ZNF224: variants seen among roughly 807,000 people sequenced by gnomAD.
ZNF224 encodes zinc finger protein 224, also known as bone marrow zinc finger 2.
Under a neutral mutation model 10.5 loss-of-function variants are expected in ZNF224, and 8 were observed. The ratio of observed to expected loss-of-function variants is 0.76; its 90% CI spans 0.45 to 1.37. ZNF224 has a LOEUF of 1.37. ZNF224 is among the 40% of genes most tolerant of loss of function. The probability of loss-of-function intolerance (pLI) is 0.00; values close to 1 mark genes in which losing one functional copy is unlikely to be tolerated. For missense variants in ZNF224, 754 were observed against 854.0 expected, an observed-to-expected ratio of 0.88 and a Z score of 1.46; for synonymous variants, 282 against 287.8, an observed-to-expected ratio of 0.98 and a Z score of 0.20.
intron 5 of ZNF224, among the ~76,000 whole-genome samples, chr19:44,103,238 A>T (rs1403833817): frequency 6.6e-6 from 1 of 152,064 alleles, no homozygotes; most frequent in Non-Finnish European, 1.5e-5. Context: ...CTCCCCAAAA[A>T]CCTCTTAAGT....
At position 44,107,122 on chromosome 19, in the gene ZNF224, G is replaced by T; in HGVS notation, c.962G>T (p.Cys321Phe). ...TAEKPFRCDTCDKSFRQRSAL... is the reference protein window; with the variant it reads ...TAEKPFRCDTFDKSFRQRSAL... ...GAGAAACCATTCCGATGTGATACGTGTGATAAGAGCTTTCGTCAGAGATCA... is the reference window on the plus strand; with the variant it reads ...GAGAAACCATTCCGATGTGATACGTTTGATAAGAGCTTTCGTCAGAGATCA... The change falls in exon 6 of 6, where the codon TGT becomes TTT. Residue 321 changes from cysteine (C) to phenylalanine (F), a missense_variant. Transcript: ENST00000693561. 1.9e-6 allele frequency: 3 copies of T among 1,606,014 alleles called. No individual in the cohort carries two copies. The highest frequency in any genetic ancestry group is 2.6e-6 in the Non-Finnish European group (3 of 1,175,526).
chr19:44,097,995 AG>A (rs1243749058), intron 3 of ZNF224, 107 bp downstream of exon 3: 2 of 1,284,162 alleles, frequency 1.6e-6, no homozygotes, highest in African/African-American at 3.0e-5. Flanking sequence ...CAGACATTTG[AG>A]GATCTCTTGT....
At chr19:44,103,160 T>G (rs1203662498) in intron 5 of ZNF224, among the ~76,000 whole-genome samples, 1 of 152,212 alleles carries the variant, frequency 6.6e-6, no homozygotes, top group Non-Finnish European at 1.5e-5. Flanking sequence ...ATTTTCAACT[T>G]TATAACTTGG....
chr19:44,107,283 A>G lies in ZNF224; in HGVS notation c.1123A>G (p.Lys375Glu), dbSNP rs769063118. The G allele has an allele frequency of 4.2e-5, 67 of 1,583,810 alleles. No individual in the cohort carries two copies. Among genetic ancestry groups the G allele is most frequent in the Non-Finnish European group, 5.7e-5 (66 of 1,165,702 alleles). Reference sequence around the variant, plus strand: ...CACGGGAGAAAAGCCATATAATTGTAAAGAGTGTGGGAAGAGCTTCAGATG... The same window carrying G: ...CACGGGAGAAAAGCCATATAATTGTGAAGAGTGTGGGAAGAGCTTCAGATG... ...VHTGEKPYNC[K>E]ECGKSFRWAS... The change falls in exon 6 of 6, where the codon AAA (lysine) becomes GAA (glutamate). Residue 375 changes from lysine (K) to glutamate (E), a missense_variant. Lys to Glu is a moderately conservative substitution (Grantham distance 56). Transcript: ENST00000693561.
In ZNF224 at chr19:44,107,170, T is replaced by TCCA; in HGVS notation, c.1012_1014dup (p.His338dup). The stretch of plus-strand genomic sequence containing the variant: ...TCAGCACTTAATAGTCATCGCATGA[T>TCCA]CCACACAGGAGAGAAACCATACAAA... On this transcript the variant is annotated inframe_insertion, in exon 6 of 6. Transcript: ENST00000693561. 6.2e-7 allele frequency: 1 copy of TCCA among 1,607,460 alleles called. No individual in the cohort carries two copies. Among genetic ancestry groups the TCCA allele is most frequent in the Non-Finnish European group, 8.5e-7 (1 of 1,176,560 alleles).
Position 44,109,812 on chromosome 19 carries a change from T to C in ZNF224, c.*1528T>C, listed in dbSNP as rs947841654. 1 of 152,168 alleles carries C rather than the reference T, an allele frequency of 6.6e-6. No individual in the cohort carries two copies. Among genetic ancestry groups the C allele is most frequent in the East Asian group, 1.9e-4 (1 of 5,192 alleles). The allele number at this position is 152,168 out of a possible 1,614,324, so 9.4% of individuals were successfully genotyped here. On this transcript the variant is annotated 3_prime_UTR_variant, in exon 6 of 6. Coordinates refer to ENST00000693561, the MANE Select transcript of ZNF224 (RefSeq NM_001321645.3). ...CCTTCATAACCTAATCAAATAAATA[T>C]CTTTGTGTGTTTTATGTTCTTTTGA... is the stretch of plus-strand genomic sequence containing the variant.
At position 44,106,635 on chromosome 19, in the gene ZNF224, G is replaced by A. The variant is rs1568531703; in HGVS notation, c.475G>A (p.Asp159Asn). The A allele has an allele frequency of 2.8e-5, 45 of 1,596,830 alleles. No individual in the cohort carries two copies. The highest frequency in any genetic ancestry group is 3.8e-5 in the Non-Finnish European group (44 of 1,170,546). The part of the protein sequence containing the change: ...QGNGYKPSFS[D>N]VSHFDFHQQL... ...CAATGGATATAAACCATCCTTCAGT[G>A]ATGTCTCCCACTTTGATTTTCATCA... is the stretch of plus-strand genomic sequence containing the variant. Residue 159 changes from aspartate to asparagine, a missense_variant, in exon 6 of 6, where the codon GAT (aspartate) becomes AAT (asparagine). Asp to Asn is a conservative substitution (Grantham distance 23). Transcript: ENST00000693561.
chr19:44,107,392 C>T lies in ZNF224; in HGVS notation c.1232C>T (p.Thr411Ile). ...GAAGAATGTGGGAAAGGATTTTACA[C>T]AAATTCACAATGCTATTCCCACCAG... ...KCEECGKGFYTNSQCYSHQRS... is the reference protein window; with the variant it reads ...KCEECGKGFYINSQCYSHQRS... Residue 411 changes from threonine (T) to isoleucine (I), a missense_variant, in exon 6 of 6, where the codon ACA (threonine) becomes ATA (isoleucine). Coordinates refer to ENST00000693561, the MANE Select transcript of ZNF224 (RefSeq NM_001321645.3). 6.2e-7 allele frequency: 1 copy of T among 1,601,006 alleles called. No individual in the cohort carries two copies. The highest frequency in any genetic ancestry group is 1.4e-5 in the African/African-American group (1 of 73,500).
chr19:44,095,128 G>C, intron 1 of ZNF224: 1 of 238,278 alleles, frequency 4.2e-6, no homozygotes, highest in South Asian at 7.3e-5. Context: ...TGCAGGGAGG[G>C]ACTTCTTGGC....
chr19:44,107,417 G>T lies in ZNF224; in HGVS notation c.1257G>T (p.Gln419His). The T allele has an allele frequency of 1.2e-6, 2 of 1,608,762 alleles. No homozygotes were observed. The highest frequency in any genetic ancestry group is 1.1e-5 in the South Asian group (1 of 90,084). ...CAAATTCACAATGCTATTCCCACCAGAGATCCCATAGTGGAGAAAAACCAT... is the reference window on the plus strand; with the variant it reads ...CAAATTCACAATGCTATTCCCACCATAGATCCCATAGTGGAGAAAAACCAT... ...FYTNSQCYSH[Q>H]RSHSGEKPYK... is the part of the protein sequence containing the mutation. The change falls in exon 6 of 6, where the codon CAG (glutamine) becomes CAT (histidine). Residue 419 changes from glutamine to histidine, a missense_variant. Transcript: ENST00000693561.
intron 3 of ZNF224, among the ~76,000 whole-genome samples, chr19:44,099,607 C>T (rs1967506417): frequency 6.6e-6 from 1 of 152,010 alleles, no homozygotes; most frequent in South Asian, 2.1e-4. Context: ...AATCCTGGCA[C>T]TTTAGGAGGC....
At chr19:44,094,780 T>C (rs551641087) in intron 1 of ZNF224, 1 of 152,444 alleles carries the variant, frequency 6.6e-6, no homozygotes, top group East Asian at 1.9e-4. Flanking sequence ...ATGGGGACTT[T>C]AGGGCCATCC....
At chr19:44,105,328 C>T (rs1187318159) in intron 5 of ZNF224, 1 of 152,132 alleles carries the variant, frequency 6.6e-6, no homozygotes, top group Non-Finnish European at 1.5e-5. Flanking sequence ...CACAAATGTA[C>T]CAAGTCTTGA....
chr19:44,106,079 A>T, intron 5 of ZNF224: 1 of 258,768 alleles, frequency 3.9e-6, no homozygotes. Flanking sequence ...TTCTTTAGAG[A>T]ATCTCCATAC....
rs1967436163 is a variant in ZNF224 at position 44,096,416 on chromosome 19, A to G, written c.-84A>G. The stretch of plus-strand genomic sequence containing the variant: ...CTTTCTGCAGCAAGGAAGCCCACGT[A>G]CCAGGGGCTGTCTTGGTAAGTAGAA... On this transcript the variant is annotated 5_prime_UTR_variant, in exon 2 of 6. Transcript: ENST00000693561. 6.6e-6 allele frequency: 1 copy of G among 152,242 alleles called. No homozygotes were observed. The highest frequency in any genetic ancestry group is 2.4e-5 in the African/African-American group (1 of 41,466). The allele number at this position is 152,242 out of a possible 1,614,324, so 9.4% of individuals were successfully genotyped here.
chr19:44,100,580 A>G (rs1599661571), intron 3 of ZNF224, among the ~76,000 whole-genome samples: 1 of 152,182 alleles, frequency 6.6e-6, no homozygotes, highest in African/African-American at 2.4e-5. Flanking sequence ...TGCACGAAGT[A>G]AAAATACAGG....
intron 3 of ZNF224, among the ~76,000 whole-genome samples, chr19:44,099,289 T>C (rs1271054631): frequency 1.3e-5 from 2 of 152,184 alleles, no homozygotes; most frequent in Non-Finnish European, 2.9e-5. Flanking sequence ...ATTACCACAA[T>C]TGTTATAGAA....
rs957185839 is a variant in ZNF224 at position 44,097,786 on chromosome 19, C to A, written c.-68-20C>A. On this transcript the variant is annotated intron_variant, in intron 2 of 5. Transcript: ENST00000693561. ...CCACCTTTTCATGTCTCTTTTTCTG[C>A]CTTTCCTGGCACTTTGCAGGCACAA... 6.0e-6 allele frequency: 9 copies of A among 1,495,384 alleles called. No homozygotes were observed. The African/African-American group carries it at 1.3e-4, about 21-fold the overall frequency. The allele number at this position is 1,495,384 out of a possible 1,614,324, so 92.6% of individuals were successfully genotyped here. A position where few individuals can be genotyped will look rare whatever the true frequency, so the allele number is the denominator to read the frequency against.
At position 44,107,611 on chromosome 19, in the gene ZNF224, T is replaced by G; in HGVS notation, c.1451T>G (p.Phe484Cys). 1 of 1,613,254 alleles carries G rather than the reference T, an allele frequency of 6.2e-7. No homozygotes were observed. Among genetic ancestry groups the G allele is most frequent in the Non-Finnish European group, 8.5e-7 (1 of 1,179,734 alleles). The change falls in exon 6 of 6, where the codon TTC (phenylalanine) becomes TGC (cysteine). Residue 484 changes from phenylalanine (F) to cysteine (C), a missense_variant. Physicochemically the swap from Phe to Cys is radical, Grantham distance 205 (BLOSUM62 -2). Transcript: ENST00000693561. ...AGACTCCACAGTGGAGAAAAACCATTCCAATGTGAAGAGTGTGGGAAGAGA... is the reference window on the plus strand; with the variant it reads ...AGACTCCACAGTGGAGAAAAACCATGCCAATGTGAAGAGTGTGGGAAGAGA... ...HERLHSGEKPFQCEECGKRFT... is the reference protein window; with the variant it reads ...HERLHSGEKPCQCEECGKRFT...
Sources: allele counts gnomAD v4.1 joint callset (sites outside exome capture counted in the v4.1 genomes callset), GRCh38; gene constraint gnomAD v4.1.1; transcripts MANE v1.5; gene names NCBI Gene and HGNC (gene_info 2026-07-23, HGNC 2026-07-21).